The following PXK variants were observed in gnomAD, a reference collection of about 807,000 sequenced individuals.
PXK encodes the protein PX domain-containing protein kinase-like protein.
A neutral mutation model predicts 84.7 loss-of-function variants in PXK; 35 were observed. The observed-to-expected ratio is 0.41, with a 90% CI of 0.32 to 0.55. PXK has a LOEUF of 0.55. Among genes scored for constraint, PXK ranks in the 20% least tolerant of loss-of-function variants. The pLI is 0.21. For missense variants in PXK, 634 were observed against 699.7 expected (o/e 0.91, Z 1.06); for synonymous variants, 253 against 260.8 (o/e 0.97, Z 0.29).
At chr3:58,376,827 A>G (rs533657068) in intron 3 of PXK, among the ~76,000 whole-genome samples, 1 of 150,150 alleles carries the variant, frequency 6.7e-6, no homozygotes, top group East Asian at 1.9e-4. Context: ...TTTAGTAGAG[A>G]TGGGGTTTTG....
At chr3:58,381,005 T>C in intron 3 of PXK, among the ~76,000 whole-genome samples, 1 of 151,834 alleles carries the variant, frequency 6.6e-6, no homozygotes, top group Admixed American at 6.6e-5. Flanking sequence ...TCCCAGCACT[T>C]TGGGAGGCCG....
At chr3:58,386,524 T>G (rs995686117) in intron 4 of PXK, among the ~76,000 whole-genome samples, 3 of 151,908 alleles carry the variant, frequency 2.0e-5, no homozygotes, top group African/African-American at 7.3e-5. Context: ...CTTGAACTCC[T>G]GACCTTGTGA....
At chr3:58,336,954 T>G (rs2097630615) in intron 1 of PXK, among the ~76,000 whole-genome samples, 1 of 152,050 alleles carries the variant, frequency 6.6e-6, no homozygotes, top group Non-Finnish European at 1.5e-5. Context: ...GGATTACAGG[T>G]ATGCACCACC....
Position 58,397,073 on chromosome 3 carries a change from A to G in PXK, c.857A>G (p.Tyr286Cys). ...LKFLHDKGFP[Y>C]GHLHASNVML... ...TTTCTTCATGACAAGGGATTCCCTT[A>G]TGGGCATCTTCACGCCTCCAATGTG... is the stretch of plus-strand genomic sequence containing the variant. Residue 286 changes from tyrosine (Y) to cysteine (C), a missense_variant, in exon 10 of 18, where the codon TAT becomes TGT. Transcript: ENST00000356151. This position sits in a 1 kb window ranked among gnomAD's most constrained non-coding sequence, Gnocchi z 4.7. The G allele has an allele frequency of 5.0e-6, 8 of 1,614,204 alleles. No individual in the cohort carries two copies. Among genetic ancestry groups the G allele is most frequent in the Non-Finnish European group, 6.8e-6 (8 of 1,180,036 alleles).
At chr3:58,361,872 T>TG (rs2098193576) in intron 1 of PXK, among the ~76,000 whole-genome samples, 1 of 152,226 alleles carries the variant, frequency 6.6e-6, no homozygotes, top group Non-Finnish European at 1.5e-5. Flanking sequence ...GGAATACAGT[T>TG]GCTGGGTTGT....
At chr3:58,387,315 G>A (rs1313487149) in intron 4 of PXK, among the ~76,000 whole-genome samples, 1 of 152,206 alleles carries the variant, frequency 6.6e-6, no homozygotes, top group Non-Finnish European at 1.5e-5. Flanking sequence ...GTTCTAATGG[G>A]AGAGAGTTTC....
chr3:58,345,585 G>T (rs896273697), intron 1 of PXK, among the ~76,000 whole-genome samples: 1 of 152,030 alleles, frequency 6.6e-6, no homozygotes, highest in Non-Finnish European at 1.5e-5. Flanking sequence ...TTTAGTCAGC[G>T]GTTTATTATG....
At chr3:58,369,553 G>C in intron 3 of PXK, 75 bp downstream of exon 3, 2 of 1,201,680 alleles carry the variant, frequency 1.7e-6, no homozygotes, top group East Asian at 2.4e-5. Context: ...GTCGGGGCAC[G>C]GTGGCTCAAC....
At chr3:58,402,738 T>C (rs1378756448) in intron 12 of PXK, among the ~76,000 whole-genome samples, 1 of 146,758 alleles carries the variant, frequency 6.8e-6, no homozygotes, top group Admixed American at 6.9e-5. Flanking sequence ...GCCCATGCTA[T>C]TGTTTTTAAT....
At chr3:58,374,043 C>CA (rs771908415) in intron 3 of PXK, among the ~76,000 whole-genome samples, 33,381 of 87,228 alleles carry the variant, frequency 0.38, 5,057 homozygotes, top group Non-Finnish European at 0.45. Flanking sequence ...GACTCCGTCT[C>CA]AAAAAAAAAA....
chr3:58,422,444 T>C (rs2062039820), intron 17 of PXK: 1 of 985,444 alleles, frequency 1.0e-6, no homozygotes, highest in East Asian at 1.1e-4. Context: ...GAGATCCTGC[T>C]GCCTGTCCTT....
Position 58,340,991 on chromosome 3 carries a change from T to G in PXK, c.102+7901T>G, listed in dbSNP as rs189498759. Among the ~76,000 whole-genome samples, 834 of 150,430 alleles carry G rather than the reference T, an allele frequency of 5.5e-3. 6 individuals carry two copies. The highest frequency in any genetic ancestry group is 7.7e-3 in the Non-Finnish European group (523 of 67,716). ...GTTTTTCCTTTTTTTTTTTTTTCCT[T>G]AAACTAGAAGTCATTCTTATCAGTG... On this transcript the variant is annotated intron_variant, in intron 1 of 17. Transcript: ENST00000356151.
At position 58,397,640 on chromosome 3, in the gene PXK, C is replaced by T. The variant is rs757027451; in HGVS notation, c.1020C>T (p.His340=). ...LESVDVHCFG[H]LLYEMTYGRP... is the part of the protein sequence containing the mutation. ...GTGTGGATGTCCACTGCTTTGGCCA[C>T]TTACTGTATGAAATGACTTATGGAC... The change falls in exon 11 of 18, where the codon CAC becomes CAT. Residue 340 remains histidine, a synonymous_variant. Coordinates refer to ENST00000356151, the MANE Select transcript of PXK (RefSeq NM_017771.5). This position sits in a 1 kb window ranked among gnomAD's most constrained non-coding sequence, Gnocchi z 4.7. 44 of 1,614,026 alleles carry T rather than the reference C, an allele frequency of 2.7e-5. No homozygotes were observed. The Admixed American group carries it at 7.2e-4, about 26-fold the overall frequency.
At position 58,411,169 on chromosome 3, in the gene PXK, C is replaced by T. The variant is rs78426956; in HGVS notation, c.1465+1010C>T. On this transcript the variant is annotated intron_variant, in intron 16 of 17. Coordinates refer to ENST00000356151, the MANE Select transcript of PXK (RefSeq NM_017771.5). This position sits in a 1 kb window ranked among gnomAD's most constrained non-coding sequence, Gnocchi z 4.2. ...TCAGTGAAGTCAGGGAGGAGAATGT[C>T]TGCCTGGGGCGGGAGGAGAAAAGTG... 0.021 allele frequency among the ~76,000 whole-genome samples: 3,164 copies of T among 152,264 alleles called. 50 individuals carry two copies. The highest frequency in any genetic ancestry group is 0.031 in the Non-Finnish European group (2,097 of 68,010).
At chr3:58,371,670 C>T (rs141138614) in intron 3 of PXK, among the ~76,000 whole-genome samples, 52 of 152,312 alleles carry the variant, frequency 3.4e-4, no homozygotes, top group African/African-American at 1.2e-3. Context: ...TTCTCCACAA[C>T]TCTTCACTTA....
rs2098608816 is a variant in PXK, at chr3:58,390,023, A to AAT, written c.389-558_389-557insTA. ...TCAAAAAAAAAAAAAAAAAAAAAAA[A>AAT]ACAATTTAGCCAGGCGTGATGGCCC... On this transcript the variant is annotated intron_variant, in intron 4 of 17. Coordinates refer to ENST00000356151, the MANE Select transcript of PXK (RefSeq NM_017771.5). This position sits in a 1 kb window ranked among gnomAD's most constrained non-coding sequence, Gnocchi z 4.2. 6.7e-6 allele frequency among the ~76,000 whole-genome samples: 1 copy of AAT among 149,352 alleles called. No individual in the cohort carries two copies. Among genetic ancestry groups the AAT allele is most frequent in the African/African-American group, 2.5e-5 (1 of 40,274 alleles).
rs1014702482 is a variant in PXK, at chr3:58,397,793, T to A, written c.1102+71T>A. 7.9e-7 allele frequency: 1 copy of A among 1,259,662 alleles called. No homozygotes were observed. The highest frequency in any genetic ancestry group is 1.1e-6 in the Non-Finnish European group (1 of 878,822). The allele number at this position is 1,259,662 out of a possible 1,614,324, so 78.0% of individuals were successfully genotyped here. On this transcript the variant is annotated intron_variant, in intron 11 of 17. Coordinates refer to ENST00000356151, the MANE Select transcript of PXK (RefSeq NM_017771.5). The surrounding 1 kb of genome is among the most constrained non-coding windows in gnomAD (Gnocchi z 4.7). ...AGAGCCACTCATCCCCTTTCCAGAG[T>A]CCAGGAAAGACCCAGAGGAAGTTGC... is the stretch of plus-strand genomic sequence containing the variant.
chr3:58,336,071 A>AT (rs1171021563), intron 1 of PXK, among the ~76,000 whole-genome samples: 871 of 51,564 alleles, frequency 0.017, 48 homozygotes, highest in Non-Finnish European at 0.022. Context: ...ATATATATAT[A>AT]TTTTTTTTTT....
chr3:58,420,693 C>T, intron 17 of PXK: 1 of 1,493,846 alleles, frequency 6.7e-7, no homozygotes, highest in African/African-American at 1.4e-5. Context: ...GAGACTATTT[C>T]CTTATCTGAA....
Sources: allele counts gnomAD v4.1 joint callset (sites outside exome capture counted in the v4.1 genomes callset), GRCh38; gene constraint gnomAD v4.1.1; non-coding constraint Gnocchi (gnomAD v3.1); transcripts MANE v1.5; gene names NCBI Gene and HGNC (gene_info 2026-07-23, HGNC 2026-07-21).